TANC2: variants seen among roughly 807,000 people sequenced by gnomAD.
The protein encoded by TANC2 is tetratricopeptide repeat, ankyrin repeat and coiled-coil containing 2.
TANC2 carries 26 observed loss-of-function variants against 210.5 expected under a neutral mutation model. The observed-to-expected ratio is 0.12, with a 90% CI of 0.09 to 0.17. TANC2 has a LOEUF of 0.17. Among genes scored for constraint, TANC2 ranks in the 10% least tolerant of loss-of-function variants. TANC2 has a pLI of 1.00. For synonymous variants in TANC2, 931 were observed against 967.1 expected (o/e 0.96, Z 0.69); for missense variants, 2,129 against 2,608.9 (o/e 0.82, Z 4.01).
At chr17:63,303,905 C>T (rs758646889) in intron 9 of TANC2, among the ~76,000 whole-genome samples, 1 of 151,692 alleles carries the variant, frequency 6.6e-6, no homozygotes, top group South Asian at 2.1e-4. Flanking sequence ...GTATGCTTCA[C>T]GAAGTTCTCG....
chr17:62,983,427 G>T (rs2032408713), intron 1 of TANC2, among the ~76,000 whole-genome samples: 1 of 151,926 alleles, frequency 6.6e-6, no homozygotes, highest in African/African-American at 2.4e-5. Context: ...GGTTCAGTTT[G>T]ACTTTCTCCT....
intron 9 of TANC2, among the ~76,000 whole-genome samples, chr17:63,279,563 A>T (rs1193082622): frequency 6.6e-6 from 1 of 152,120 alleles, no homozygotes; most frequent in East Asian, 1.9e-4. Context: ...AGTGTAGCTG[A>T]TCTAGTAAAA....
At chr17:63,363,415 T>C (rs1247864622) in intron 14 of TANC2, among the ~76,000 whole-genome samples, 2 of 152,240 alleles carry the variant, frequency 1.3e-5, no homozygotes, top group Non-Finnish European at 2.9e-5. Flanking sequence ...TTTGGGGTAT[T>C]GCTCCAGAAG....
intron 1 of TANC2, among the ~76,000 whole-genome samples, chr17:62,992,884 T>C (rs1231099575): frequency 6.6e-6 from 1 of 152,242 alleles, no homozygotes; most frequent in Non-Finnish European, 1.5e-5. Flanking sequence ...GTTCTGGAAG[T>C]CAGAAGTTTG....
intron 7 of TANC2, among the ~76,000 whole-genome samples, chr17:63,211,631 C>T (rs940708770): frequency 6.6e-6 from 1 of 152,140 alleles, no homozygotes; most frequent in African/African-American, 2.4e-5. Context: ...CCCAGTAATA[C>T]CTGTGCCTAT....
At chr17:63,254,989 A>G (rs1269272665) in intron 8 of TANC2, among the ~76,000 whole-genome samples, 2 of 152,070 alleles carry the variant, frequency 1.3e-5, no homozygotes, top group Non-Finnish European at 2.9e-5. Flanking sequence ...CTAGAATCAT[A>G]GAATGAGTTT....
intron 17 of TANC2, chr17:63,390,650 G>A (rs145873888): frequency 2.0e-5 from 3 of 152,242 alleles, no homozygotes; most frequent in East Asian, 1.9e-4. Flanking sequence ...ATTTTGTAGA[G>A]GCAGGGTCTT....
intron 11 of TANC2, among the ~76,000 whole-genome samples, chr17:63,338,081 C>T (rs1413744999): frequency 2.0e-5 from 3 of 152,156 alleles, no homozygotes; most frequent in East Asian, 1.9e-4. Flanking sequence ...AGTGAACATA[C>T]GTGTGCATGT....
intron 6 of TANC2, among the ~76,000 whole-genome samples, chr17:63,196,406 C>T (rs1403206158): frequency 2.6e-5 from 4 of 152,130 alleles, no homozygotes; most frequent in Admixed American, 1.3e-4. Context: ...AACTTGATGT[C>T]ATATCTTATA....
chr17:62,979,447 C>G (rs2032191394), intron 1 of TANC2, among the ~76,000 whole-genome samples: 2 of 152,188 alleles, frequency 1.3e-5, no homozygotes, highest in South Asian at 4.1e-4. Flanking sequence ...TACTCCTATT[C>G]TCTCATTTCT....
intron 1 of TANC2, among the ~76,000 whole-genome samples, chr17:62,975,040 T>C (rs376222683): frequency 1.1e-4 from 16 of 152,258 alleles, no homozygotes; most frequent in African/African-American, 3.9e-4. Context: ...ATGGCCCCAG[T>C]TTTTTACTGC....
intron 3 of TANC2, among the ~76,000 whole-genome samples, chr17:63,094,104 A>C (rs1002440978): frequency 6.6e-6 from 1 of 152,172 alleles, no homozygotes; most frequent in Non-Finnish European, 1.5e-5. Context: ...TGATTCTTGT[A>C]CATTAACTTT....
At chr17:63,404,731 A>C (rs1370719023) in intron 19 of TANC2, among the ~76,000 whole-genome samples, 3 of 152,138 alleles carry the variant, frequency 2.0e-5, no homozygotes, top group African/African-American at 7.2e-5. Context: ...CAAAAAAAAA[A>C]ACTTTTTATC....
chr17:62,989,192 A>T (rs533669287), intron 1 of TANC2, among the ~76,000 whole-genome samples: 34 of 152,316 alleles, frequency 2.2e-4, no homozygotes, highest in African/African-American at 7.5e-4. Flanking sequence ...TTAACCTTTT[A>T]AAAAATTATC....
At chr17:63,369,568 T>C (rs909215511) in intron 14 of TANC2, among the ~76,000 whole-genome samples, 7 of 151,502 alleles carry the variant, frequency 4.6e-5, no homozygotes, top group Non-Finnish European at 1.0e-4. Flanking sequence ...TTTTTTTTTT[T>C]TTTGAGACGG....
chr17:63,382,875 A>AC (rs878944432), intron 15 of TANC2, among the ~76,000 whole-genome samples: 1 of 151,852 alleles, frequency 6.6e-6, no homozygotes, highest in Admixed American at 6.6e-5. Flanking sequence ...TCTCTTTTTC[A>AC]CTCAGCATTC....
intron 5 of TANC2, among the ~76,000 whole-genome samples, chr17:63,184,579 G>C (rs2040908654): frequency 6.6e-6 from 1 of 151,322 alleles, no homozygotes; most frequent in South Asian, 2.1e-4. Context: ...CATACCCACT[G>C]TTCTGACTGC....
exon 14 of TANC2, chr17:63,355,238 A>G (rs1479723555): frequency 3.7e-6 from 6 of 1,613,700 alleles, no homozygotes; most frequent in Non-Finnish European, 5.1e-6. Flanking sequence ...AAGGCACACT[A>G]GAATGGGAGG....
intron 6 of TANC2, among the ~76,000 whole-genome samples, chr17:63,199,364 T>A (rs1417184290): frequency 6.6e-6 from 1 of 152,192 alleles, no homozygotes; most frequent in Non-Finnish European, 1.5e-5. Flanking sequence ...GGCTCACACC[T>A]GTAATCCCAG....
Sources: gnomAD v4.1 joint callset for allele counts (sites outside exome capture counted in the v4.1 genomes callset) on GRCh38, gnomAD v4.1.1 for gene constraint, MANE v1.5 for transcripts, NCBI Gene and HGNC (gene_info 2026-07-23, HGNC 2026-07-21) for gene names.